The following ATE1 variants were observed in gnomAD, a reference collection of about 807,000 sequenced individuals.
ATE1 encodes arginyltransferase 1.
ATE1 carries 36 observed loss-of-function variants against 70.5 expected under a neutral mutation model. The ratio of observed to expected loss-of-function variants is 0.51; its 90% CI spans 0.39 to 0.67. The LOEUF (loss-of-function observed/expected upper bound fraction) is 0.67, where lower values mean the gene tolerates loss of function less well. ATE1 is among the 30% of genes least tolerant of loss of function. The probability of loss-of-function intolerance (pLI) is 0.00; values close to 1 mark genes in which losing one functional copy is unlikely to be tolerated. For missense variants in ATE1, 593 were observed against 629.5 expected (o/e 0.94, Z 0.62); for synonymous variants, 232 against 219.3 (o/e 1.06, Z -0.51).
In ATE1 at chr10:121,795,004, G is replaced by A. The variant is rs528791020; in HGVS notation, c.1258-4715C>T. ...AGTTCATGCCTGTAATCCCAGTACC[G>A]TGGGAGGCCGAGGCAGGCAGATCAC... On this transcript the variant is annotated intron_variant, in intron 10 of 11. Coordinates refer to ENST00000224652, the MANE Select transcript of ATE1 (RefSeq NM_001001976.3). 1.2e-3 allele frequency among the ~76,000 whole-genome samples: 177 copies of A among 152,226 alleles called. 1 individual carries two copies. Among genetic ancestry groups the A allele is most frequent in the African/African-American group, 3.6e-3 (148 of 41,550 alleles).
chr10:121,810,631 G>A (rs1366600032), intron 10 of ATE1, among the ~76,000 whole-genome samples: 3 of 152,124 alleles, frequency 2.0e-5, no homozygotes, highest in African/African-American at 7.2e-5. Context: ...TAGTATGACT[G>A]AAACATCAAT....
chr10:121,877,431 A>T (rs140603739), intron 7 of ATE1, among the ~76,000 whole-genome samples: 71 of 152,308 alleles, frequency 4.7e-4, no homozygotes, highest in Non-Finnish European at 8.5e-4. Context: ...TTTCAAAATT[A>T]GATTCTTCCA....
rs147248633 is a variant in ATE1, at chr10:121,915,283, G to A, written c.234-1390C>T. 5.0e-3 allele frequency among the ~76,000 whole-genome samples: 758 copies of A among 152,124 alleles called. 2 individuals carry two copies. The highest frequency in any genetic ancestry group is 7.7e-3 in the Non-Finnish European group (522 of 67,994). ...AAAGTAAAAATATGACAGGAGAAAT[G>A]TAAAAATTAAGTAGAAGACCTGAAA... On this transcript the variant is annotated intron_variant, in intron 3 of 11. Coordinates refer to ENST00000224652, the MANE Select transcript of ATE1 (RefSeq NM_001001976.3).
chr10:121,770,354 ATATTTTTACTAGGC>A, intron 11 of ATE1, among the ~76,000 whole-genome samples: 2 of 152,128 alleles, frequency 1.3e-5, no homozygotes, highest in East Asian at 3.9e-4. Flanking sequence ...AATATCTAGG[ATATTTTTACTAGGC>A]TATATCTTTG....
chr10:121,896,967 G>A (rs1337184441), intron 7 of ATE1, among the ~76,000 whole-genome samples: 1 of 145,502 alleles, frequency 6.9e-6, no homozygotes, highest in South Asian at 2.2e-4. Flanking sequence ...TCTGCATTTT[G>A]CTAGTCCTGC....
chr10:121,928,037 G>A (rs1014456816), upstream of ATE1: 8 of 1,253,356 alleles, frequency 6.4e-6, no homozygotes, highest in Non-Finnish European at 8.0e-6. Context: ...GCGCCGCCCG[G>A]GAGCCTCCCG....
intron 11 of ATE1, among the ~76,000 whole-genome samples, chr10:121,777,904 A>G (rs777539868): frequency 6.6e-5 from 10 of 152,254 alleles, no homozygotes; most frequent in Admixed American, 1.3e-4. Context: ...AAGAAATTTA[A>G]TCAGGATTTC....
chr10:121,920,950 C>T (rs983826220), intron 3 of ATE1, among the ~76,000 whole-genome samples: 2 of 151,236 alleles, frequency 1.3e-5, no homozygotes, highest in African/African-American at 4.9e-5. Context: ...GCCGAGATCG[C>T]GCCATTGCAC....
chr10:121,796,983 T>A (rs1044375031), intron 10 of ATE1, among the ~76,000 whole-genome samples: 2 of 152,208 alleles, frequency 1.3e-5, no homozygotes, highest in African/African-American at 4.8e-5. Flanking sequence ...TAACAAAATG[T>A]AACAGAATTC....
chr10:121,816,193 TC>T (rs1947534815), intron 10 of ATE1, among the ~76,000 whole-genome samples: 2 of 152,160 alleles, frequency 1.3e-5, no homozygotes, highest in Non-Finnish European at 2.9e-5. Context: ...ATTATCATAC[TC>T]CCTAGAAAAA....
At chr10:121,793,983 T>C (rs1174503028) in intron 10 of ATE1, among the ~76,000 whole-genome samples, 3 of 152,232 alleles carry the variant, frequency 2.0e-5, no homozygotes, top group Non-Finnish European at 4.4e-5. Flanking sequence ...CTGGAATTTA[T>C]TGTGATATAA....
At chr10:121,898,992 G>T in intron 7 of ATE1, 1 of 1,610,322 alleles carries the variant, frequency 6.2e-7, no homozygotes, top group African/African-American at 1.3e-5. Context: ...GAAAATACAA[G>T]CAAATGCTAT....
At chr10:121,810,861 C>T (rs1947292453) in intron 10 of ATE1, among the ~76,000 whole-genome samples, 1 of 151,980 alleles carries the variant, frequency 6.6e-6, no homozygotes, top group South Asian at 2.1e-4. Flanking sequence ...TGCCAACATG[C>T]CCAGCTAATT....
chr10:121,842,769 T>G (rs1294145357), intron 8 of ATE1, among the ~76,000 whole-genome samples: 1 of 152,188 alleles, frequency 6.6e-6, no homozygotes, highest in Non-Finnish European at 1.5e-5. Flanking sequence ...TCATATCAAT[T>G]GATGCAGGAA....
At chr10:121,782,051 CA>C (rs765460236) in intron 11 of ATE1, among the ~76,000 whole-genome samples, 1 of 151,750 alleles carries the variant, frequency 6.6e-6, no homozygotes, top group African/African-American at 2.4e-5. Context: ...TTAACATCCA[CA>C]AAAAAGAATC....
intron 10 of ATE1, among the ~76,000 whole-genome samples, chr10:121,825,725 T>C (rs1166526257): frequency 6.6e-6 from 1 of 152,218 alleles, no homozygotes; most frequent in Non-Finnish European, 1.5e-5. Flanking sequence ...CACTTGTGCA[T>C]TGCTGGCAGG....
intron 7 of ATE1, among the ~76,000 whole-genome samples, chr10:121,876,835 G>A (rs962161813): frequency 2.6e-5 from 4 of 151,998 alleles, no homozygotes; most frequent in Non-Finnish European, 2.9e-5. Context: ...GCGTGGTGGC[G>A]GGCGCCTGTA....
At chr10:121,809,238 T>C (rs891676518) in intron 10 of ATE1, among the ~76,000 whole-genome samples, 22 of 152,274 alleles carry the variant, frequency 1.4e-4, no homozygotes, top group Non-Finnish European at 3.1e-4. Flanking sequence ...ACAAGTTTGC[T>C]ACATTCGTTT....
intron 8 of ATE1, among the ~76,000 whole-genome samples, chr10:121,846,350 C>A (rs141092809): frequency 3.2e-4 from 49 of 152,306 alleles, no homozygotes; most frequent in Non-Finnish European, 4.6e-4. Context: ...AGACACAAAT[C>A]TCCCATGCAG....
Sources: gnomAD v4.1 joint callset for allele counts (sites outside exome capture counted in the v4.1 genomes callset) on GRCh38, gnomAD v4.1.1 for gene constraint, MANE v1.5 for transcripts, NCBI Gene and HGNC (gene_info 2026-07-23, HGNC 2026-07-21) for gene names.